PSEN2: variants seen among roughly 807,000 people sequenced by gnomAD.
The protein encoded by PSEN2 is presenilin 2.
A neutral mutation model predicts 49.1 loss-of-function variants in PSEN2; 32 were observed. That is an observed-to-expected ratio of 0.65 (90% CI 0.49 to 0.88). PSEN2 has a LOEUF of 0.88. PSEN2 is among the 40% of genes least tolerant of loss of function. PSEN2 has a pLI of 0.00. For synonymous variants in PSEN2, 255 were observed against 244.0 expected, an observed-to-expected ratio of 1.05 and a Z score of -0.42; for missense variants, 522 against 586.9, an observed-to-expected ratio of 0.89 and a Z score of 1.14.
chr1:226,872,960 C>G (rs1660402238), intron 2 of PSEN2, among the ~76,000 whole-genome samples: 1 of 152,102 alleles, frequency 6.6e-6, no homozygotes, highest in Non-Finnish European at 1.5e-5. Context: ...GGTGGATCAC[C>G]TGAGGTCGGA....
chr1:226,888,896 G>A lies in PSEN2; in HGVS notation c.634G>A (p.Gly212Arg), dbSNP rs200173519. The A allele has an allele frequency of 3.1e-6, 5 of 1,614,178 alleles. No individual in the cohort carries two copies. Among genetic ancestry groups the A allele is most frequent in the Non-Finnish European group, 4.2e-6 (5 of 1,180,038 alleles). The change falls in exon 8 of 13, where the codon GGG (glycine) becomes AGG (arginine). Residue 212 changes from glycine to arginine, a missense_variant. Transcript: ENST00000366783. ...CCTCTTGCTGACTGTCTGGAACTTC[G>A]GGGCAGTGGGCATGGTGTGCATCCA... ...PTLLLTVWNFGAVGMVCIHWK... is the reference protein window; with the variant it reads ...PTLLLTVWNFRAVGMVCIHWK...
At chr1:226,902,799 G>C (rs12405469) in intron 12 of PSEN2, among the ~76,000 whole-genome samples, 1 of 151,912 alleles carries the variant, frequency 6.6e-6, no homozygotes, top group Admixed American at 6.6e-5. Flanking sequence ...ATCAGGTTCC[G>C]AGTCTTGCCA....
downstream of PSEN2, among the ~76,000 whole-genome samples, chr1:226,900,387 C>T (rs951241484): frequency 2.6e-5 from 4 of 152,194 alleles, no homozygotes; most frequent in African/African-American, 9.7e-5. Context: ...GGACAATTTT[C>T]ATGCCTGACA....
chr1:226,889,996 C>T (rs752478177), intron 8 of PSEN2, 39 bp from the exon 9 acceptor site: 1 of 1,541,602 alleles, frequency 6.5e-7, no homozygotes, highest in South Asian at 1.1e-5. Context: ...CAGGGGGCTG[C>T]CCGGGGATAG....
At position 226,883,747 on chromosome 1, in the gene PSEN2, C is replaced by G. The variant is rs150400387; in HGVS notation, c.184C>G (p.Arg62Gly). 4 of 1,614,124 alleles carry G rather than the reference C, an allele frequency of 2.5e-6. No individual in the cohort carries two copies. Among genetic ancestry groups the G allele is most frequent in the Non-Finnish European group, 1.7e-6 (2 of 1,180,030 alleles). ...GGAGGACGGTGAGGAGGACCCTGACCGCTATGTCTGTAGTGGGGTTCCCGG... is the reference window on the plus strand; with the variant it reads ...GGAGGACGGTGAGGAGGACCCTGACGGCTATGTCTGTAGTGGGGTTCCCGG... ...NEEDGEEDPD[R>G]YVCSGVPGRP... The change falls in exon 5 of 13, where the codon CGC becomes GGC. Residue 62 changes from arginine (R) to glycine (G), a missense_variant. Coordinates refer to ENST00000366783, the MANE Select transcript of PSEN2 (RefSeq NM_000447.3).
At chr1:226,878,077 C>T (rs554601665) in intron 3 of PSEN2, among the ~76,000 whole-genome samples, 1 of 151,860 alleles carries the variant, frequency 6.6e-6, no homozygotes, top group East Asian at 1.9e-4. Context: ...TTTTCTTTTT[C>T]TTTTTCTTTC....
Position 226,883,692 on chromosome 1 carries a change from TGGTTTCCC to T in PSEN2, c.142-12_142-5del. On this transcript the variant is annotated splice_region_variant and splice_polypyrimidine_tract_variant and intron_variant, in intron 4 of 12. Transcript: ENST00000366783. Reference sequence around the variant, plus strand: ...GGGACATTCTGCGGCCCTCACGATGTGGTTTCCCACAGAGAAGCCAGGAGAACGAGGAG... The same window carrying T: ...GGGACATTCTGCGGCCCTCACGATGTACAGAGAAGCCAGGAGAACGAGGAG... 6.2e-7 allele frequency: 1 copy of T among 1,613,282 alleles called. No individual in the cohort carries two copies. Among genetic ancestry groups the T allele is most frequent in the Non-Finnish European group, 8.5e-7 (1 of 1,179,748 alleles).
At chr1:226,885,983 A>G (rs956858568) in intron 6 of PSEN2, among the ~76,000 whole-genome samples, 2 of 150,584 alleles carry the variant, frequency 1.3e-5, no homozygotes, top group Admixed American at 1.3e-4. Flanking sequence ...TCTCCCACCC[A>G]GCCCCTCAAG....
downstream of PSEN2, among the ~76,000 whole-genome samples, chr1:226,897,289 G>A (rs138389419): frequency 0.012 from 1,828 of 152,300 alleles, 37 homozygotes; most frequent in Non-Finnish European, 0.014. Flanking sequence ...TTCCAAAGAT[G>A]GGATTGGACA....
intron 2 of PSEN2, among the ~76,000 whole-genome samples, 178 bp from the exon 3 acceptor site, chr1:226,875,187 T>C (rs1300759587): frequency 6.6e-6 from 1 of 152,122 alleles, no homozygotes. Flanking sequence ...CAGCTCTGGC[T>C]TAGGCCAGGG....
At chr1:226,888,197 T>C (rs202196437) in intron 7 of PSEN2, 39 bp downstream of exon 7, 2 of 1,542,728 alleles carry the variant, frequency 1.3e-6, no homozygotes, top group African/African-American at 2.7e-5. Flanking sequence ...TGGGAGCCCC[T>C]CTCCATGTGG....
intron 11 of PSEN2, among the ~76,000 whole-genome samples, chr1:226,892,995 C>T (rs762627440): frequency 1.3e-4 from 20 of 152,198 alleles, no homozygotes; most frequent in African/African-American, 1.2e-4. Context: ...TGCAGTAGCA[C>T]GATTGTGGCT....
intron 5 of PSEN2, among the ~76,000 whole-genome samples, chr1:226,884,960 A>G (rs1050059832): frequency 5.9e-5 from 9 of 152,138 alleles, no homozygotes; most frequent in African/African-American, 1.9e-4. Flanking sequence ...ATCCTCAGAA[A>G]GCTTATAGTG....
At chr1:226,873,447 C>G (rs982243555) in intron 2 of PSEN2, among the ~76,000 whole-genome samples, 1 of 152,026 alleles carries the variant, frequency 6.6e-6, no homozygotes, top group African/African-American at 2.4e-5. Flanking sequence ...TGGAGTTTCA[C>G]TCTTGTTGCC....
rs1661168309 is a variant in PSEN2 at position 226,883,900 on chromosome 1, A to T, written c.337A>T (p.Thr113Ser). 1 of 1,396,168 alleles carries T rather than the reference A, an allele frequency of 7.2e-7. No individual in the cohort carries two copies. Among genetic ancestry groups the T allele is most frequent in the African/African-American group, 1.5e-5 (1 of 67,136 alleles). 86.5% of individuals were successfully genotyped at this position (1,396,168 alleles called of 1,614,324 possible). A position where few individuals can be genotyped will look rare whatever the true frequency, so the allele number is the denominator to read the frequency against. ...VATIKSVRFY[T>S]EKNGQLIYTP... ...CACCATCAAGTCTGTGCGCTTCTAC[A>T]CAGAGAAGAATGGACAGCTGTGAGT... is the stretch of plus-strand genomic sequence containing the variant. The change falls in exon 5 of 13, where the codon ACA (threonine) becomes TCA (serine). Residue 113 changes from threonine (T) to serine (S), a missense_variant. Thr to Ser is a moderately conservative substitution (Grantham distance 58). Transcript: ENST00000366783.
intron 3 of PSEN2, among the ~76,000 whole-genome samples, chr1:226,881,368 G>A (rs570484457): frequency 6.6e-6 from 1 of 152,260 alleles, no homozygotes; most frequent in African/African-American, 2.4e-5. Context: ...GGGAAAACCA[G>A]TCTCCATCAG....
chr1:226,894,210 T>G (rs1454807756), intron 12 of PSEN2, 85 bp downstream of exon 12: 5 of 956,060 alleles, frequency 5.2e-6, no homozygotes, highest in Non-Finnish European at 8.2e-6. Flanking sequence ...TCAGGATCCC[T>G]AGGGATTTTT....
At chr1:226,880,401 A>T (rs915151733) in intron 3 of PSEN2, 1 of 844,674 alleles carries the variant, frequency 1.2e-6, no homozygotes, top group African/African-American at 1.7e-5. Context: ...AAAAAATCAC[A>T]TATATTGTGG....
chr1:226,887,966 C>A lies in PSEN2; in HGVS notation c.499-125C>A. 7.3e-6 allele frequency: 6 copies of A among 822,360 alleles called. No homozygotes were observed. In the South Asian group the frequency reaches 8.2e-5, roughly 11 times the overall value. The allele number at this position is 822,360 out of a possible 1,614,324, so 50.9% of individuals were successfully genotyped here. ...TGTAAGGTGGCCACCTGATCCCTTC[C>A]AGCGTAGGCATGAAGTAGCCTAATG... On this transcript the variant is annotated intron_variant, in intron 6 of 12. Coordinates refer to ENST00000366783, the MANE Select transcript of PSEN2 (RefSeq NM_000447.3).
Sources: allele counts gnomAD v4.1 joint callset (sites outside exome capture counted in the v4.1 genomes callset), GRCh38; gene constraint gnomAD v4.1.1; transcripts MANE v1.5; gene names NCBI Gene and HGNC (gene_info 2026-07-23, HGNC 2026-07-21).